DNER: variants seen among roughly 807,000 people sequenced by gnomAD.
DNER encodes the protein delta/notch like EGF repeat containing.
A neutral mutation model predicts 78.2 loss-of-function variants in DNER; 33 were observed. The ratio of observed to expected loss-of-function variants is 0.42; its 90% CI spans 0.32 to 0.56. The LOEUF (loss-of-function observed/expected upper bound fraction) is 0.56, where lower values mean the gene tolerates loss of function less well. Among genes scored for constraint, DNER ranks in the 20% least tolerant of loss-of-function variants. DNER has a pLI of 0.11. For missense variants in DNER, 918 were observed against 975.3 expected (o/e 0.94, Z 0.78); for synonymous variants, 417 against 384.8 (o/e 1.08, Z -0.98).
At chr2:229,646,661 C>G (rs548344712) in intron 1 of DNER, among the ~76,000 whole-genome samples, 1 of 152,352 alleles carries the variant, frequency 6.6e-6, no homozygotes. Flanking sequence ...CAACCAAACT[C>G]TACAAGTATT....
At chr2:229,707,177 C>A (rs1156808913) in intron 1 of DNER, among the ~76,000 whole-genome samples, 2 of 120,394 alleles carry the variant, frequency 1.7e-5, no homozygotes, top group East Asian at 5.2e-4. Flanking sequence ...CCACGGCTGG[C>A]TAATTTTTTT....
At chr2:229,624,025 A>C (rs901616852) in intron 1 of DNER, among the ~76,000 whole-genome samples, 1 of 152,348 alleles carries the variant, frequency 6.6e-6, no homozygotes, top group East Asian at 1.9e-4. Context: ...GGACTTTAAA[A>C]GTCTTAAAAT....
chr2:229,464,282 C>A (rs570525344), intron 7 of DNER, among the ~76,000 whole-genome samples: 1 of 152,096 alleles, frequency 6.6e-6, no homozygotes, highest in East Asian at 1.9e-4. Context: ...TGTAAAAGAC[C>A]CAATAGGATT....
intron 1 of DNER, among the ~76,000 whole-genome samples, chr2:229,679,598 C>T (rs1699353190): frequency 6.6e-6 from 1 of 152,118 alleles, no homozygotes. Context: ...CTGGCACGTC[C>T]TCAACAGTAC....
intron 10 of DNER, among the ~76,000 whole-genome samples, chr2:229,400,409 T>G: frequency 6.6e-6 from 1 of 151,984 alleles, no homozygotes; most frequent in South Asian, 2.1e-4. Context: ...TTGTTTTTAA[T>G]ACTATTCTCC....
intron 1 of DNER, among the ~76,000 whole-genome samples, chr2:229,673,272 A>C (rs1177862679): frequency 6.6e-6 from 1 of 152,166 alleles, no homozygotes; most frequent in Admixed American, 6.5e-5. Flanking sequence ...TTGAGATTGG[A>C]AGAGCGTGGA....
intron 10 of DNER, among the ~76,000 whole-genome samples, chr2:229,401,355 T>C (rs972744602): frequency 9.2e-5 from 14 of 152,066 alleles, no homozygotes; most frequent in African/African-American, 3.4e-4. Flanking sequence ...AAATTTATGT[T>C]CACACATAAA....
At position 229,424,226 on chromosome 2, in the gene DNER, G is replaced by A. The variant is rs80327150; in HGVS notation, c.1487-5996C>T. ...AGTTAGCAGCATCTGCCTTATGTCAGGCCCTTTAGATGTGTTAACTTGTTT... is the reference window on the plus strand; with the variant it reads ...AGTTAGCAGCATCTGCCTTATGTCAAGCCCTTTAGATGTGTTAACTTGTTT... On this transcript the variant is annotated intron_variant, in intron 8 of 12. Coordinates refer to ENST00000341772, the MANE Select transcript of DNER (RefSeq NM_139072.4). Among the ~76,000 whole-genome samples, 9 of 152,280 alleles carry A rather than the reference G, an allele frequency of 5.9e-5. No homozygotes were observed. The East Asian group carries it at 1.5e-3, about 26-fold the overall frequency.
chr2:229,646,741 G>A (rs1446042297), intron 1 of DNER, among the ~76,000 whole-genome samples: 1 of 152,274 alleles, frequency 6.6e-6, no homozygotes, highest in Non-Finnish European at 1.5e-5. Context: ...GCCAGGCCTA[G>A]GCCAGGTCCT....
intron 1 of DNER, among the ~76,000 whole-genome samples, chr2:229,647,177 A>AATAC (rs753508742): frequency 1.8e-4 from 27 of 152,226 alleles, no homozygotes; most frequent in South Asian, 8.3e-4. Context: ...AAAATAAATA[A>AATAC]ATACATACAT....
intron 5 of DNER, among the ~76,000 whole-genome samples, chr2:229,538,090 T>A (rs1696445049): frequency 6.6e-6 from 1 of 152,222 alleles, no homozygotes; most frequent in African/African-American, 2.4e-5. Context: ...GGGCTGCACT[T>A]ACTTTTATGA....
chr2:229,526,461 T>G (rs188986462), intron 5 of DNER, among the ~76,000 whole-genome samples: 1 of 152,290 alleles, frequency 6.6e-6, no homozygotes, highest in East Asian at 1.9e-4. Context: ...AGAGCAGCAG[T>G]CCCCAACCTT....
intron 11 of DNER, among the ~76,000 whole-genome samples, chr2:229,383,884 TG>T (rs1254298416): frequency 6.6e-6 from 1 of 152,162 alleles, no homozygotes; most frequent in Non-Finnish European, 1.5e-5. Flanking sequence ...ATTCAGGACT[TG>T]AACTCAGCTC....
intron 10 of DNER, 32 bp from the exon 11 acceptor site, chr2:229,388,428 C>A (rs755629131): frequency 6.4e-7 from 1 of 1,569,248 alleles, no homozygotes. Flanking sequence ...GTGGTGAAAC[C>A]GCTGCACCCA....
intron 9 of DNER, among the ~76,000 whole-genome samples, chr2:229,408,113 A>G (rs543327290): frequency 6.6e-6 from 1 of 152,152 alleles, no homozygotes; most frequent in Non-Finnish European, 1.5e-5. Flanking sequence ...TTTTTTAAAA[A>G]ATCTGTAAAG....
intron 9 of DNER, among the ~76,000 whole-genome samples, chr2:229,414,648 C>T (rs1252610387): frequency 6.6e-6 from 1 of 152,178 alleles, no homozygotes; most frequent in Non-Finnish European, 1.5e-5. Context: ...TAATATGAAA[C>T]CACTTTACTT....
chr2:229,664,622 T>G (rs573571679), intron 1 of DNER, among the ~76,000 whole-genome samples: 4 of 152,302 alleles, frequency 2.6e-5, no homozygotes, highest in East Asian at 1.9e-4. Context: ...ATCAGGTAGT[T>G]ATGCTCATCC....
At chr2:229,579,123 T>G (rs1697350605) in intron 4 of DNER, among the ~76,000 whole-genome samples, 1 of 152,214 alleles carries the variant, frequency 6.6e-6, no homozygotes, top group Non-Finnish European at 1.5e-5. Context: ...CAGACTACTG[T>G]GCCATCAAAA....
chr2:229,645,566 T>C (rs1299721472), intron 1 of DNER, among the ~76,000 whole-genome samples: 1 of 152,196 alleles, frequency 6.6e-6, no homozygotes, highest in African/African-American at 2.4e-5. Context: ...GTACCTGAAA[T>C]GTAGGACGAC....
Sources: allele counts gnomAD v4.1 joint callset (sites outside exome capture counted in the v4.1 genomes callset), GRCh38; gene constraint gnomAD v4.1.1; transcripts MANE v1.5; gene names NCBI Gene and HGNC (gene_info 2026-07-23, HGNC 2026-07-21).